ARHGAP17: variants seen among roughly 807,000 people sequenced by gnomAD.
ARHGAP17 encodes the protein rho GTPase-activating protein 17.
ARHGAP17 carries 57 observed loss-of-function variants against 99.5 expected under a neutral mutation model. The observed-to-expected ratio is 0.57, with a 90% CI of 0.46 to 0.71. ARHGAP17 has a LOEUF of 0.71. Among genes scored for constraint, ARHGAP17 ranks in the 30% least tolerant of loss-of-function variants. ARHGAP17 has a pLI of 0.00. For synonymous variants in ARHGAP17, 417 were observed against 429.6 expected (o/e 0.97, Z 0.36); for missense variants, 1,000 against 1,122.4 (o/e 0.89, Z 1.56).
chr16:24,925,445 G>A (rs1029429345), intron 19 of ARHGAP17, among the ~76,000 whole-genome samples: 7 of 152,288 alleles, frequency 4.6e-5, no homozygotes, highest in Admixed American at 1.3e-4. Context: ...ATCCTCTTTG[G>A]TTGAAGTAGA....
chr16:24,943,848 A>G lies in ARHGAP17; in HGVS notation c.1256T>C (p.Met419Thr), dbSNP rs2051387017. The G allele has an allele frequency of 1.2e-6, 2 of 1,614,066 alleles. No individual in the cohort carries two copies. The highest frequency in any genetic ancestry group is 1.7e-6 in the Non-Finnish European group (2 of 1,180,030). The part of the protein sequence containing the change: ...WARNEGTLAE[M>T]AAATSVHVVA... ...CACATGGACGGATGTGGCTGCTGCCATTTCAGCAAGTGTTCTGCAAAGCAA... is the reference window on the plus strand; with the variant it reads ...CACATGGACGGATGTGGCTGCTGCCGTTTCAGCAAGTGTTCTGCAAAGCAA... Residue 419 changes from methionine to threonine, a missense_variant, in exon 15 of 20, where the codon ATG becomes ACG. Coordinates refer to ENST00000289968, the MANE Select transcript of ARHGAP17 (RefSeq NM_001006634.3).
At chr16:24,932,325 T>C (rs1298633634) in intron 18 of ARHGAP17, among the ~76,000 whole-genome samples, 2 of 152,178 alleles carry the variant, frequency 1.3e-5, no homozygotes, top group African/African-American at 4.8e-5. Context: ...ATTATGCACA[T>C]TTGAAAGGGC....
chr16:24,931,542 G>A, intron 18 of ARHGAP17, 138 bp from the exon 19 acceptor site: 1 of 814,878 alleles, frequency 1.2e-6, no homozygotes, highest in East Asian at 3.1e-5. Context: ...GGTCAGGAGG[G>A]CACCACACTG....
chr16:24,977,399 T>A, intron 2 of ARHGAP17, 80 bp from the exon 3 acceptor site: 1 of 1,142,402 alleles, frequency 8.8e-7, no homozygotes, highest in Non-Finnish European at 1.2e-6. Flanking sequence ...AAAGCATGGC[T>A]GAATCTACAT....
At chr16:24,999,242 G>A (rs965846318) in intron 1 of ARHGAP17, among the ~76,000 whole-genome samples, 2 of 152,132 alleles carry the variant, frequency 1.3e-5, no homozygotes, top group African/African-American at 2.4e-5. Flanking sequence ...TCATTAGAGC[G>A]GAGTTCTTAA....
At chr16:24,998,390 G>A (rs2053261823) in intron 1 of ARHGAP17, among the ~76,000 whole-genome samples, 1 of 152,018 alleles carries the variant, frequency 6.6e-6, no homozygotes, top group South Asian at 2.1e-4. Flanking sequence ...AGCGGCACAG[G>A]TGGCGGGGCC....
intron 1 of ARHGAP17, among the ~76,000 whole-genome samples, chr16:25,000,049 T>C (rs1379567915): frequency 6.6e-6 from 1 of 152,168 alleles, no homozygotes; most frequent in Non-Finnish European, 1.5e-5. Flanking sequence ...AGTGGCTGAT[T>C]GGACCAAGGT....
At chr16:24,974,359 G>C (rs2052455008) in intron 3 of ARHGAP17, among the ~76,000 whole-genome samples, 1 of 152,164 alleles carries the variant, frequency 6.6e-6, no homozygotes, top group Non-Finnish European at 1.5e-5. Flanking sequence ...TGAACCGGGT[G>C]GTGGAGGATG....
intron 1 of ARHGAP17, among the ~76,000 whole-genome samples, chr16:24,999,729 T>G (rs1361888609): frequency 6.6e-6 from 1 of 152,232 alleles, no homozygotes; most frequent in East Asian, 1.9e-4. Context: ...ACAGGCTATC[T>G]TTTATTGTTC....
rs926375871 is a variant in ARHGAP17, at chr16:24,927,587, G to A, written c.2515+3197C>T. On this transcript the variant is annotated intron_variant, in intron 19 of 19. Coordinates refer to ENST00000289968, the MANE Select transcript of ARHGAP17 (RefSeq NM_001006634.3). Reference sequence around the variant, plus strand: ...GCACTATTAGTAGGGATGCAAGCAGGCAGGGTTAGGGTGGCCAGTTAGTAA... The same window carrying A: ...GCACTATTAGTAGGGATGCAAGCAGACAGGGTTAGGGTGGCCAGTTAGTAA... The A allele has an allele frequency of 6.7e-5, 30 of 445,622 alleles. No individual in the cohort carries two copies. The Admixed American group carries it at 1.2e-3, about 18-fold the overall frequency. 27.6% of individuals were successfully genotyped at this position (445,622 alleles called of 1,614,324 possible). A position where few individuals can be genotyped will look rare whatever the true frequency, so the allele number is the denominator to read the frequency against.
intron 12 of ARHGAP17, among the ~76,000 whole-genome samples, chr16:24,950,814 G>A (rs2051611338): frequency 7.4e-6 from 1 of 134,328 alleles, no homozygotes; most frequent in Admixed American, 7.6e-5. Context: ...TCCAGCCTGG[G>A]CGACAGAGTG....
chr16:24,959,676 T>C lies in ARHGAP17; in HGVS notation c.719A>G (p.His240Arg), dbSNP rs570126115. 27 of 1,614,014 alleles carry C rather than the reference T, an allele frequency of 1.7e-5. No individual in the cohort carries two copies. Among genetic ancestry groups the C allele is most frequent in the Non-Finnish European group, 2.0e-5 (24 of 1,179,978 alleles). Reference sequence around the variant, plus strand: ...CCGCACGCGGGTTACATTACCTTGATGGGCTCGCATTTCGGGGAGGGTCTT... The same window carrying C: ...CCGCACGCGGGTTACATTACCTTGACGGGCTCGCATTTCGGGGAGGGTCTT... The part of the protein sequence containing the change: ...LEKTLPEMRA[H>R]QDKWAEKPAF... Residue 240 changes from histidine to arginine, a missense_variant, in exon 9 of 20, where the codon CAT (histidine) becomes CGT (arginine). Physicochemically the swap from His to Arg is conservative, Grantham distance 29. Around this residue, in one of 2 missense-constraint regions of ARHGAP17, gnomAD observed 472 missense variants for 611.1 expected, o/e 0.77. Coordinates refer to ENST00000289968, the MANE Select transcript of ARHGAP17 (RefSeq NM_001006634.3).
chr16:24,948,555 A>T (rs1380446197), intron 13 of ARHGAP17, among the ~76,000 whole-genome samples: 2 of 152,250 alleles, frequency 1.3e-5, no homozygotes, highest in East Asian at 3.9e-4. Context: ...ACATACTAAG[A>T]AGTACTGAGC....
intron 1 of ARHGAP17, among the ~76,000 whole-genome samples, chr16:24,979,272 G>A (rs2052604863): frequency 6.6e-6 from 1 of 152,192 alleles, no homozygotes. Flanking sequence ...AGCAGGCACA[G>A]AATCACCAAG....
At chr16:24,993,871 T>A (rs565821644) in intron 1 of ARHGAP17, among the ~76,000 whole-genome samples, 1 of 152,334 alleles carries the variant, frequency 6.6e-6, no homozygotes, top group African/African-American at 2.4e-5. Context: ...TATATTTGCA[T>A]CAACATTCTC....
intron 18 of ARHGAP17, among the ~76,000 whole-genome samples, chr16:24,933,347 T>A (rs2051045941): frequency 6.6e-6 from 1 of 151,982 alleles, no homozygotes; most frequent in Non-Finnish European, 1.5e-5. Context: ...CCAGGCATGG[T>A]GGCATGTGCC....
intron 19 of ARHGAP17, among the ~76,000 whole-genome samples, chr16:24,927,157 G>C (rs2050863613): frequency 6.6e-6 from 1 of 152,316 alleles, no homozygotes; most frequent in East Asian, 1.9e-4. Context: ...TATAATCCCA[G>C]GTACTCAGGA....
At chr16:24,989,243 G>A (rs980801004) in intron 1 of ARHGAP17, among the ~76,000 whole-genome samples, 29 of 152,184 alleles carry the variant, frequency 1.9e-4, no homozygotes, top group Non-Finnish European at 2.5e-4. Context: ...AGGTTGTGCA[G>A]GCTCCCTTCC....
chr16:24,937,832 C>T (rs919660799), intron 17 of ARHGAP17, among the ~76,000 whole-genome samples: 2 of 152,202 alleles, frequency 1.3e-5, no homozygotes, highest in African/African-American at 4.8e-5. Flanking sequence ...GGGAAATAAA[C>T]GTGTGGATAA....
Sources: allele counts gnomAD v4.1 joint callset (sites outside exome capture counted in the v4.1 genomes callset), GRCh38; gene constraint gnomAD v4.1.1; regional missense constraint gnomAD v4.1.1; transcripts MANE v1.5; gene names NCBI Gene and HGNC (gene_info 2026-07-23, HGNC 2026-07-21).